Variants in ANGPT1 observed in about 807,000 individuals in gnomAD.
ANGPT1 encodes angiopoietin 1.
Under a neutral mutation model 62.2 loss-of-function variants are expected in ANGPT1, and 17 were observed. The observed-to-expected ratio is 0.27, with a 90% confidence interval of 0.19 to 0.41. ANGPT1 has a LOEUF of 0.41. Among genes scored for constraint, ANGPT1 ranks in the 10% least tolerant of loss-of-function variants. The pLI is 1.00. For missense variants in ANGPT1, 478 were observed against 594.9 expected, an observed-to-expected ratio of 0.80 and a Z score of 2.04; for synonymous variants, 199 against 198.9, an observed-to-expected ratio of 1.00 and a Z score of 0.00.
chr8:107,415,754 G>A (rs575179869), intron 1 of ANGPT1, among the ~76,000 whole-genome samples: 1 of 152,200 alleles, frequency 6.6e-6, no homozygotes, highest in Admixed American at 6.5e-5. Context: ...CATGTTATGT[G>A]GCATCAATAA....
Position 107,435,216 on chromosome 8 carries a change from G to C in ANGPT1, c.297+62046C>G, listed in dbSNP as rs530374742. On this transcript the variant is annotated intron_variant, in intron 1 of 8. Transcript: ENST00000517746. The stretch of plus-strand genomic sequence containing the variant: ...GTCTGTAAATTAACTAAAAGTCATC[G>C]GACTGTACATTTAAAATGAGTGAAT... 2.6e-5 allele frequency among the ~76,000 whole-genome samples: 4 copies of C among 152,160 alleles called. No individual in the cohort carries two copies. The South Asian group carries it at 6.2e-4, about 24-fold the overall frequency.
intron 2 of ANGPT1, among the ~76,000 whole-genome samples, chr8:107,343,860 G>C (rs913384114): frequency 4.6e-5 from 7 of 152,086 alleles, no homozygotes; most frequent in African/African-American, 1.7e-4. Flanking sequence ...CTAGGAGGTC[G>C]AGACCAGCCT....
intron 7 of ANGPT1, among the ~76,000 whole-genome samples, chr8:107,265,812 A>C (rs183094835): frequency 1.2e-3 from 176 of 152,304 alleles, no homozygotes; most frequent in African/African-American, 4.0e-3. Flanking sequence ...ATAAAGATCA[A>C]TTAATATTTG....
Position 107,368,883 on chromosome 8 carries a change from T to C in ANGPT1, c.298-21786A>G, listed in dbSNP as rs897925404. 2.0e-5 allele frequency among the ~76,000 whole-genome samples: 3 copies of C among 149,496 alleles called. No individual in the cohort carries two copies. The Admixed American group carries it at 2.0e-4, about 10-fold the overall frequency. The stretch of plus-strand genomic sequence containing the variant: ...TATACTTATTTATAAGTATATTCCT[T>C]ATACTTATTTCTTAAGAATAATTCT... On this transcript the variant is annotated intron_variant, in intron 1 of 8. Coordinates refer to ENST00000517746, the MANE Select transcript of ANGPT1 (RefSeq NM_001146.5).
intron 1 of ANGPT1, among the ~76,000 whole-genome samples, chr8:107,365,386 C>T (rs1477970622): frequency 1.3e-5 from 2 of 152,146 alleles, no homozygotes; most frequent in African/African-American, 2.4e-5. Context: ...ACCTCAGGGG[C>T]TTAGCACTTC....
At chr8:107,476,241 A>T (rs1268549537) in intron 1 of ANGPT1, among the ~76,000 whole-genome samples, 2 of 152,206 alleles carry the variant, frequency 1.3e-5, no homozygotes, top group Non-Finnish European at 2.9e-5. Context: ...TACACCATGG[A>T]ATACTATGCA....
At chr8:107,324,175 ATG>A (rs755773732) in intron 3 of ANGPT1, among the ~76,000 whole-genome samples, 1,593 of 144,174 alleles carry the variant, frequency 0.011, 15 homozygotes, top group Middle Eastern at 0.017. Flanking sequence ...ATATATATAT[ATG>A]TGTGTGTGTG....
At chr8:107,355,260 A>G (rs530609836) in intron 1 of ANGPT1, among the ~76,000 whole-genome samples, 1 of 151,626 alleles carries the variant, frequency 6.6e-6, no homozygotes, top group Non-Finnish European at 1.5e-5. Context: ...CTCTCTCCCT[A>G]CCAATATCAC....
At chr8:107,263,051 G>A (rs903906061) in intron 8 of ANGPT1, among the ~76,000 whole-genome samples, 1 of 152,082 alleles carries the variant, frequency 6.6e-6, no homozygotes, top group Admixed American at 6.6e-5. Context: ...ATCATTTGCT[G>A]TAACAGAAGT....
intron 1 of ANGPT1, among the ~76,000 whole-genome samples, chr8:107,389,139 TA>T (rs1816787617): frequency 6.6e-6 from 1 of 152,088 alleles, no homozygotes; most frequent in South Asian, 2.1e-4. Flanking sequence ...GATATGAAAA[TA>T]AAAATTTACT....
In ANGPT1 at chr8:107,405,752, C is replaced by T. The variant is rs563731869; in HGVS notation, c.298-58655G>A. Reference sequence around the variant, plus strand: ...AATTAGTCTTCACACTATTGCTATCCTATGACTATGTCATAAATGTGTTAG... The same window carrying T: ...AATTAGTCTTCACACTATTGCTATCTTATGACTATGTCATAAATGTGTTAG... On this transcript the variant is annotated intron_variant, in intron 1 of 8. Transcript: ENST00000517746. 4.5e-3 allele frequency among the ~76,000 whole-genome samples: 685 copies of T among 151,970 alleles called. 5 individuals carry two copies. The highest frequency in any genetic ancestry group is 0.016 in the African/African-American group (649 of 41,512).
At chr8:107,297,137 G>A (rs1034769218) in intron 5 of ANGPT1, among the ~76,000 whole-genome samples, 1 of 151,984 alleles carries the variant, frequency 6.6e-6, no homozygotes, top group Non-Finnish European at 1.5e-5. Flanking sequence ...AAAAACCATT[G>A]GGAAATATAA....
At chr8:107,264,752 G>C (rs975736516) in intron 7 of ANGPT1, among the ~76,000 whole-genome samples, 2 of 152,172 alleles carry the variant, frequency 1.3e-5, no homozygotes, top group Non-Finnish European at 2.9e-5. Context: ...AAGTTTCATT[G>C]ATTGGGGATT....
At chr8:107,291,293 G>C (rs1814264679) in intron 6 of ANGPT1, among the ~76,000 whole-genome samples, 1 of 152,200 alleles carries the variant, frequency 6.6e-6, no homozygotes, top group African/African-American at 2.4e-5. Flanking sequence ...ACATCACTGT[G>C]AGGCAGGTGA....
intron 7 of ANGPT1, among the ~76,000 whole-genome samples, chr8:107,268,083 G>A (rs1450301036): frequency 6.6e-6 from 1 of 151,982 alleles, no homozygotes; most frequent in Non-Finnish European, 1.5e-5. Flanking sequence ...TAAACTGTGA[G>A]CTCCTTGAGG....
intron 1 of ANGPT1, among the ~76,000 whole-genome samples, chr8:107,410,918 C>T (rs190034214): frequency 7.7e-4 from 117 of 152,192 alleles, no homozygotes; most frequent in African/African-American, 2.7e-3. Context: ...TAAAATGTTA[C>T]ATAACTGTTT....
At chr8:107,459,029 ACTTT>A (rs1341078247) in intron 1 of ANGPT1, among the ~76,000 whole-genome samples, 2 of 152,044 alleles carry the variant, frequency 1.3e-5, no homozygotes, top group African/African-American at 4.8e-5. Flanking sequence ...TCGTCCCGCA[ACTTT>A]CTATTTCTTG....
At chr8:107,376,480 A>G (rs138331165) in intron 1 of ANGPT1, among the ~76,000 whole-genome samples, 1 of 152,342 alleles carries the variant, frequency 6.6e-6, no homozygotes, top group Non-Finnish European at 1.5e-5. Flanking sequence ...AATTGCTATT[A>G]GAAAGAACAG....
chr8:107,438,537 G>A (rs1811394331), intron 1 of ANGPT1, among the ~76,000 whole-genome samples: 1 of 152,118 alleles, frequency 6.6e-6, no homozygotes, highest in Non-Finnish European at 1.5e-5. Context: ...CACGGAAACT[G>A]AAGAATTTTT....
Sources: gnomAD v4.1 joint callset for allele counts (sites outside exome capture counted in the v4.1 genomes callset) on GRCh38, gnomAD v4.1.1 for gene constraint, MANE v1.5 for transcripts, NCBI Gene and HGNC (gene_info 2026-07-23, HGNC 2026-07-21) for gene names.